SLC41A2: variants seen among roughly 807,000 people sequenced by gnomAD.
SLC41A2 encodes the protein solute carrier family 41 member 2.
In SLC41A2, 32 loss-of-function variants were observed where a neutral mutation model predicts 58.3. The ratio of observed to expected loss-of-function variants is 0.55; its 90% CI spans 0.41 to 0.74. The LOEUF is 0.74. Among genes scored for constraint, SLC41A2 ranks in the 30% least tolerant of loss-of-function variants. SLC41A2 has a pLI of 0.00. For synonymous variants in SLC41A2, 190 were observed against 235.0 expected (o/e 0.81, Z 1.75); for missense variants, 514 against 680.6 (o/e 0.76, Z 2.72).
rs996580844 is a variant in SLC41A2 at position 104,882,832 on chromosome 12, G to A, written c.1027+3461C>T. ...TCTTCTCAAGGAGTATCTTTGTGAC[G>A]TTCTCTGTATTTCCTGAATTTGAAT... On this transcript the variant is annotated intron_variant, in intron 6 of 10. Coordinates refer to ENST00000258538, the MANE Select transcript of SLC41A2 (RefSeq NM_001352171.3). Among the ~76,000 whole-genome samples, 49 of 152,242 alleles carry A rather than the reference G, an allele frequency of 3.2e-4. 1 individual carries two copies. Among genetic ancestry groups the A allele is most frequent in the Non-Finnish European group, 5.6e-4 (38 of 68,020 alleles).
At chr12:104,955,703 C>T (rs1007288041) in intron 1 of SLC41A2, among the ~76,000 whole-genome samples, 1 of 151,302 alleles carries the variant, frequency 6.6e-6, no homozygotes, top group Non-Finnish European at 1.5e-5. Context: ...CATATTAGAT[C>T]AGTGGAAAAT....
chr12:104,873,640 A>G (rs977887574), intron 6 of SLC41A2, among the ~76,000 whole-genome samples: 4 of 152,172 alleles, frequency 2.6e-5, no homozygotes, highest in Admixed American at 6.5e-5. Context: ...TTACATTTCT[A>G]CCAAGAGTGT....
At chr12:104,901,423 T>A (rs2045553884) in intron 3 of SLC41A2, among the ~76,000 whole-genome samples, 1 of 152,082 alleles carries the variant, frequency 6.6e-6, no homozygotes, top group Admixed American at 6.6e-5. Flanking sequence ...AGGAAAAAAA[T>A]TATTCAAGTT....
rs1490728778 is a variant in SLC41A2, at chr12:104,811,702, A to T, written c.1537-6365T>A. ...CTGTATGTTTATATTTCATAATTTT[A>T]AAAAATGTAAACCATTGTGTTAATG... On this transcript the variant is annotated intron_variant, in intron 10 of 10. Coordinates refer to ENST00000258538, the MANE Select transcript of SLC41A2 (RefSeq NM_001352171.3). Among the ~76,000 whole-genome samples, 5 of 152,206 alleles carry T rather than the reference A, an allele frequency of 3.3e-5. No homozygotes were observed. In the East Asian group the frequency reaches 5.8e-4, roughly 18 times the overall value.
At chr12:104,931,314 T>C (rs1045323747) in intron 1 of SLC41A2, among the ~76,000 whole-genome samples, 1 of 152,252 alleles carries the variant, frequency 6.6e-6, no homozygotes, top group Non-Finnish European at 1.5e-5. Flanking sequence ...GGTAAATCCA[T>C]TTCCCTATTC....
intron 10 of SLC41A2, among the ~76,000 whole-genome samples, chr12:104,807,702 G>C (rs2040975802): frequency 6.6e-6 from 1 of 152,208 alleles, no homozygotes; most frequent in South Asian, 2.1e-4. Context: ...CATGAGCATG[G>C]AATGTTCTTC....
intron 5 of SLC41A2, among the ~76,000 whole-genome samples, chr12:104,888,019 C>T (rs1052079913): frequency 6.6e-6 from 1 of 151,884 alleles, no homozygotes; most frequent in Admixed American, 6.6e-5. Flanking sequence ...TTAAATGACA[C>T]TTTCTAAATG....
Position 104,895,250 on chromosome 12 carries a change from TAAACA to T in SLC41A2, c.735+19_735+23del, listed in dbSNP as rs376509803. 8.8e-4 allele frequency: 1,394 copies of T among 1,585,046 alleles called. 8 individuals carry two copies. The African/African-American group carries it at 0.017, about 19-fold the overall frequency. On this transcript the variant is annotated intron_variant, in intron 4 of 10. Transcript: ENST00000258538. ...TCAAAATTTGTACACCCAAGATCTG[TAAACA>T]AATATGTGTACCACTTACCTGCTTT...
intron 1 of SLC41A2, among the ~76,000 whole-genome samples, chr12:104,957,751 G>C (rs559674103): frequency 2.0e-5 from 3 of 152,316 alleles, no homozygotes; most frequent in Middle Eastern, 3.4e-3. Context: ...CAGCCTCGCA[G>C]CATCTCCATC....
In SLC41A2 at chr12:104,928,608, C is replaced by G. The variant is rs1300133736; in HGVS notation, c.-81G>C. Reference sequence around the variant, plus strand: ...CAGATGAATCAGAACCGCACAAACACTGGTTTAAATTAAGTTGTTGACTTC... The same window carrying G: ...CAGATGAATCAGAACCGCACAAACAGTGGTTTAAATTAAGTTGTTGACTTC... On this transcript the variant is annotated 5_prime_UTR_variant, in exon 2 of 11. Coordinates refer to ENST00000258538, the MANE Select transcript of SLC41A2 (RefSeq NM_001352171.3). 3 of 810,836 alleles carry G rather than the reference C, an allele frequency of 3.7e-6. No individual in the cohort carries two copies. Among genetic ancestry groups the G allele is most frequent in the African/African-American group, 3.5e-5 (2 of 57,754 alleles). The allele number at this position is 810,836 out of a possible 1,614,324, so 50.2% of individuals were successfully genotyped here.
chr12:104,863,787 C>T (rs1805720947), intron 7 of SLC41A2, among the ~76,000 whole-genome samples: 1 of 152,064 alleles, frequency 6.6e-6, no homozygotes, highest in South Asian at 2.1e-4. Flanking sequence ...ACAGAAATTT[C>T]ATTACTCATA....
intron 1 of SLC41A2, among the ~76,000 whole-genome samples, chr12:104,929,098 A>T (rs949736616): frequency 3.3e-5 from 5 of 152,224 alleles, no homozygotes; most frequent in African/African-American, 1.2e-4. Flanking sequence ...AACAAAAGAT[A>T]TATGGCATTA....
At chr12:104,933,243 G>A (rs1319370246) in intron 1 of SLC41A2, among the ~76,000 whole-genome samples, 2 of 152,084 alleles carry the variant, frequency 1.3e-5, no homozygotes, top group Non-Finnish European at 2.9e-5. Flanking sequence ...CTTCTCAAAA[G>A]AAGACATACA....
intron 1 of SLC41A2, among the ~76,000 whole-genome samples, chr12:104,935,799 T>C (rs2047241028): frequency 6.6e-6 from 1 of 152,116 alleles, no homozygotes; most frequent in South Asian, 2.1e-4. Flanking sequence ...TTCCAGCACT[T>C]TAGGAGGCCA....
chr12:104,843,057 A>G (rs1190400324), intron 10 of SLC41A2, among the ~76,000 whole-genome samples: 1 of 152,048 alleles, frequency 6.6e-6, no homozygotes, highest in Non-Finnish European at 1.5e-5. Flanking sequence ...ACAGCAATAA[A>G]AGTAGCAATT....
intron 6 of SLC41A2, among the ~76,000 whole-genome samples, chr12:104,886,091 C>T (rs984703330): frequency 1.3e-5 from 2 of 151,990 alleles, no homozygotes; most frequent in African/African-American, 4.8e-5. Context: ...CCTTATTTTA[C>T]AGAGTTTTAA....
chr12:104,861,409 A>G (rs2043207759), intron 7 of SLC41A2, 39 bp from the exon 8 acceptor site: 3 of 1,437,948 alleles, frequency 2.1e-6, no homozygotes, highest in Admixed American at 3.4e-5. Context: ...AGAAGAGGGA[A>G]GAGAACATAC....
At position 104,932,624 on chromosome 12, in the gene SLC41A2, CAAAA is replaced by C. The variant is rs544329617; in HGVS notation, c.-167-3934_-167-3931del. On this transcript the variant is annotated intron_variant, in intron 1 of 10. Coordinates refer to ENST00000258538, the MANE Select transcript of SLC41A2 (RefSeq NM_001352171.3). ...TGGGTGACGCAGTGAGACTTTGTCTCAAAAAAAAAAAAAAAAAAAAAAGATATAG... is the reference window on the plus strand; with the variant it reads ...TGGGTGACGCAGTGAGACTTTGTCTCAAAAAAAAAAAAAAAAAAGATATAG... Among the ~76,000 whole-genome samples, 7 of 46,066 alleles carry C rather than the reference CAAAA, an allele frequency of 1.5e-4. No individual in the cohort carries two copies. In the East Asian group the frequency reaches 3.8e-3, roughly 25 times the overall value. 30.2% of individuals were successfully genotyped at this position (46,066 alleles called of 152,430 possible).
intron 8 of SLC41A2, among the ~76,000 whole-genome samples, chr12:104,849,713 A>G (rs2042730732): frequency 6.6e-6 from 1 of 152,192 alleles, no homozygotes; most frequent in African/African-American, 2.4e-5. Context: ...CTGTAGTTGC[A>G]GCTACTCAGA....
Sources: allele counts gnomAD v4.1 joint callset (sites outside exome capture counted in the v4.1 genomes callset), GRCh38; gene constraint gnomAD v4.1.1; transcripts MANE v1.5; gene names NCBI Gene and HGNC (gene_info 2026-07-23, HGNC 2026-07-21).